The following ALK variants were observed in gnomAD, a reference collection of about 807,000 sequenced individuals.
The protein encoded by ALK is ALK tyrosine kinase receptor.
A neutral mutation model predicts 163.1 loss-of-function variants in ALK; 74 were observed. The ratio of observed to expected loss-of-function variants is 0.45; its 90% confidence interval spans 0.38 to 0.55. ALK has a LOEUF of 0.55. ALK is among the 20% of genes least tolerant of loss of function. ALK has a pLI of 0.00. For synonymous variants in ALK, 960 were observed against 843.2 expected, an observed-to-expected ratio of 1.14 and a Z score of -2.40; for missense variants, 2,063 against 2,105.3, an observed-to-expected ratio of 0.98 and a Z score of 0.39.
chr2:29,528,407 T>C (rs1673019519), intron 4 of ALK, among the ~76,000 whole-genome samples: 1 of 152,182 alleles, frequency 6.6e-6, no homozygotes, highest in Non-Finnish European at 1.5e-5. Flanking sequence ...AATGGCAGTG[T>C]GGTGCAGTGG....
chr2:29,890,530 T>C (rs1667116157), intron 1 of ALK: 1 of 152,194 alleles, frequency 6.6e-6, no homozygotes. Flanking sequence ...TGAGGGAAAA[T>C]GGCAGTTAGG....
In ALK at chr2:29,502,667, G is replaced by A. The variant is rs1402996239; in HGVS notation, c.1154+29248C>T. On this transcript the variant is annotated intron_variant, in intron 4 of 28. Transcript: ENST00000389048. ...CTGCCCCATCCCTCATTCTTATTGT[G>A]ATTAATGAGATGGGGCACATATTTT... Among the ~76,000 whole-genome samples, 15 of 151,898 alleles carry A rather than the reference G, an allele frequency of 9.9e-5. No individual in the cohort carries two copies. The East Asian group carries it at 2.7e-3, about 27-fold the overall frequency.
chr2:29,515,131 C>A (rs539189484), intron 4 of ALK, among the ~76,000 whole-genome samples: 2 of 152,136 alleles, frequency 1.3e-5, no homozygotes, highest in Non-Finnish European at 2.9e-5. Flanking sequence ...GCTGTTCCCA[C>A]TCCCAGAAAG....
intron 4 of ALK, among the ~76,000 whole-genome samples, chr2:29,462,744 A>G (rs1214523093): frequency 1.3e-5 from 2 of 152,174 alleles, no homozygotes; most frequent in African/African-American, 4.8e-5. Flanking sequence ...GAAGAAATGC[A>G]AGAGTTAAAC....
rs757368506 is a variant in ALK at position 29,193,206 on chromosome 2, G to C, written c.*18C>G. 6.2e-7 allele frequency: 1 copy of C among 1,612,180 alleles called. No individual in the cohort carries two copies. Among genetic ancestry groups the C allele is most frequent in the Non-Finnish European group, 8.5e-7 (1 of 1,178,772 alleles). On this transcript the variant is annotated 3_prime_UTR_variant, in exon 29 of 29. Coordinates refer to ENST00000389048, the MANE Select transcript of ALK (RefSeq NM_004304.5). The stretch of plus-strand genomic sequence containing the variant: ...GTCTTAGGGATCCCAAGGAAGAGAA[G>C]TGAGTGTGCGACCGAGCTCAGGGCC...
intron 8 of ALK, among the ~76,000 whole-genome samples, chr2:29,313,619 A>G (rs1463180478): frequency 6.6e-6 from 1 of 152,208 alleles, no homozygotes; most frequent in Non-Finnish European, 1.5e-5. Context: ...GCAGTGTGAC[A>G]GGAAGAGCAT....
intron 4 of ALK, among the ~76,000 whole-genome samples, chr2:29,426,929 T>C: frequency 6.9e-6 from 1 of 145,398 alleles, no homozygotes; most frequent in Non-Finnish European, 1.5e-5. Context: ...TCCCAGCTAC[T>C]CAGAAGGCTG....
Position 29,659,711 on chromosome 2 carries a change from G to A in ALK, c.952+35139C>T. ...CTGTCCCCAGAGACCAGGCATTTCT[G>A]AGGGTCTACTTCAACACAACAGATT... On this transcript the variant is annotated intron_variant, in intron 3 of 28. Transcript: ENST00000389048. Among the ~76,000 whole-genome samples the A allele has an allele frequency of 1.3e-5, 2 of 152,100 alleles. 1 individual carries two copies. Among genetic ancestry groups the A allele is most frequent in the Admixed American group, 1.3e-4 (2 of 15,260 alleles).
At chr2:29,223,817 A>G (rs987817132) in intron 19 of ALK, 1 of 501,796 alleles carries the variant, frequency 2.0e-6, no homozygotes, top group East Asian at 3.5e-5. Flanking sequence ...CAGACTGGAG[A>G]TGGGATTAGA....
chr2:29,425,977 C>G (rs1350327419), intron 4 of ALK, among the ~76,000 whole-genome samples: 1 of 152,080 alleles, frequency 6.6e-6, no homozygotes, highest in Non-Finnish European at 1.5e-5. Context: ...CAAAGAGTGG[C>G]CTCAAAAATT....
intron 3 of ALK, among the ~76,000 whole-genome samples, chr2:29,670,162 G>C (rs1294004085): frequency 6.6e-6 from 1 of 152,052 alleles, no homozygotes; most frequent in Non-Finnish European, 1.5e-5. Flanking sequence ...TTTTGTTTCA[G>C]ATTGAAGAAC....
intron 4 of ALK, among the ~76,000 whole-genome samples, chr2:29,418,978 TA>T (rs543080993): frequency 1.6e-4 from 25 of 151,642 alleles, no homozygotes; most frequent in African/African-American, 6.1e-4. Flanking sequence ...GGTAGAAATA[TA>T]AAAAATACAT....
At chr2:29,758,926 T>G (rs2148335768) in intron 1 of ALK, among the ~76,000 whole-genome samples, 1 of 152,304 alleles carries the variant, frequency 6.6e-6, no homozygotes, top group South Asian at 2.1e-4. Context: ...GGTCGGTGTT[T>G]CCTGTCCAAC....
chr2:29,880,309 G>T (rs1355357815), intron 1 of ALK, among the ~76,000 whole-genome samples: 1 of 152,148 alleles, frequency 6.6e-6, no homozygotes, highest in Non-Finnish European at 1.5e-5. Context: ...AAAACCAGCT[G>T]GCCAGGCAGA....
intron 11 of ALK, among the ~76,000 whole-genome samples, chr2:29,267,576 C>T (rs1324198112): frequency 6.6e-6 from 1 of 152,160 alleles, no homozygotes; most frequent in African/African-American, 2.4e-5. Context: ...TCTCTCCTCC[C>T]TGACTCCATG....
At chr2:29,485,645 A>C (rs998775112) in intron 4 of ALK, among the ~76,000 whole-genome samples, 3 of 152,146 alleles carry the variant, frequency 2.0e-5, no homozygotes, top group Non-Finnish European at 4.4e-5. Context: ...TTTGTACTTG[A>C]AGGCTAGGCT....
chr2:29,307,431 C>A (rs1461555577), intron 8 of ALK, among the ~76,000 whole-genome samples: 1 of 152,180 alleles, frequency 6.6e-6, no homozygotes, highest in Non-Finnish European at 1.5e-5. Context: ...CAAAGATGAG[C>A]TTGCATGGTG....
intron 26 of ALK, among the ~76,000 whole-genome samples, chr2:29,205,500 CATCTGA>C (rs1034807910): frequency 6.6e-6 from 1 of 152,198 alleles, no homozygotes; most frequent in African/African-American, 2.4e-5. Flanking sequence ...GAAGGCCGGA[CATCTGA>C]AACTGGTATC....
chr2:29,637,446 G>A (rs974289040), intron 3 of ALK, among the ~76,000 whole-genome samples: 2 of 152,102 alleles, frequency 1.3e-5, no homozygotes, highest in African/African-American at 2.4e-5. Flanking sequence ...TGAGAGAGGA[G>A]GGAAGTGGAT....
Sources: gnomAD v4.1 joint callset for allele counts (sites outside exome capture counted in the v4.1 genomes callset) on GRCh38, gnomAD v4.1.1 for gene constraint, MANE v1.5 for transcripts, NCBI Gene and HGNC (gene_info 2026-07-23, HGNC 2026-07-21) for gene names.